The following ROBO1 variants were observed in gnomAD, a reference collection of about 807,000 sequenced individuals.
ROBO1 encodes the protein roundabout homolog 1.
In ROBO1, 149 loss-of-function variants were observed where a neutral mutation model predicts 195.9. That is an observed-to-expected ratio of 0.76 (90% CI 0.67 to 0.87). The LOEUF (loss-of-function observed/expected upper bound fraction) is 0.87. Ranked by LOEUF, ROBO1 falls within the 40% of genes least tolerant of loss-of-function variation. ROBO1 has a pLI of 0.00. For missense variants in ROBO1, 1,933 were observed against 2,068.3 expected (o/e 0.93, Z 1.27); for synonymous variants, 816 against 733.2 (o/e 1.11, Z -1.82).
chr3:79,103,139 T>C (rs1331303581), intron 3 of ROBO1, among the ~76,000 whole-genome samples: 1 of 151,832 alleles, frequency 6.6e-6, no homozygotes, highest in East Asian at 1.9e-4. Context: ...TAATTAAATC[T>C]AATTATATTA....
At chr3:79,589,467 C>G (rs1943928092) in intron 2 of ROBO1, among the ~76,000 whole-genome samples, 1 of 151,628 alleles carries the variant, frequency 6.6e-6, no homozygotes, top group South Asian at 2.1e-4. Flanking sequence ...TTCTATGGTA[C>G]CGACATGCAC....
At chr3:79,580,805 A>C (rs1029356306) in intron 2 of ROBO1, among the ~76,000 whole-genome samples, 38 of 152,162 alleles carry the variant, frequency 2.5e-4, no homozygotes, top group Non-Finnish European at 5.0e-4. Flanking sequence ...GAAGAAGGCC[A>C]GTTACAATAC....
At chr3:79,286,528 A>C (rs1157523093) in intron 2 of ROBO1, among the ~76,000 whole-genome samples, 2 of 152,166 alleles carry the variant, frequency 1.3e-5, no homozygotes, top group Non-Finnish European at 2.9e-5. Flanking sequence ...GATGACTGGA[A>C]GCTTATTTCT....
intron 2 of ROBO1, among the ~76,000 whole-genome samples, chr3:79,160,234 ATGTG>A (rs142663481): frequency 1.8e-3 from 262 of 148,374 alleles, no homozygotes; most frequent in African/African-American, 5.0e-3. Flanking sequence ...CTTTAAAAAA[ATGTG>A]TGTGTGTGTG....
At chr3:79,527,756 A>T (rs1941491451) in intron 2 of ROBO1, 1 of 38,554 alleles carries the variant, frequency 2.6e-5, no homozygotes, top group African/African-American at 2.4e-4. Flanking sequence ...ACCATGTGAC[A>T]TGGACCGCTG....
At chr3:79,266,114 G>A (rs930723861) in intron 2 of ROBO1, among the ~76,000 whole-genome samples, 1 of 151,590 alleles carries the variant, frequency 6.6e-6, no homozygotes, top group South Asian at 2.1e-4. Flanking sequence ...ATATGCACAT[G>A]TATATAAATA....
At chr3:79,092,923 A>G (rs1156331604) in intron 3 of ROBO1, among the ~76,000 whole-genome samples, 1 of 152,208 alleles carries the variant, frequency 6.6e-6, no homozygotes, top group African/African-American at 2.4e-5. Context: ...GTAAAACAAA[A>G]TTTAACAATT....
chr3:79,192,299 CTATGTG>C (rs2081554707), intron 2 of ROBO1, among the ~76,000 whole-genome samples: 1 of 151,620 alleles, frequency 6.6e-6, no homozygotes, highest in Admixed American at 6.6e-5. Flanking sequence ...TGAGTCCATA[CTATGTG>C]TCAGAAACTA....
chr3:79,026,385 C>G (rs1576586080), intron 3 of ROBO1, among the ~76,000 whole-genome samples: 1 of 152,078 alleles, frequency 6.6e-6, no homozygotes, highest in Admixed American at 6.5e-5. Flanking sequence ...CTGAAGAAAG[C>G]TATCAGTGTG....
intron 3 of ROBO1, among the ~76,000 whole-genome samples, chr3:79,006,867 T>C (rs1576552254): frequency 6.6e-6 from 1 of 151,972 alleles, no homozygotes; most frequent in East Asian, 1.9e-4. Flanking sequence ...ACCAGTTATC[T>C]AGCTTCTTAA....
intron 2 of ROBO1, among the ~76,000 whole-genome samples, chr3:79,442,459 T>C (rs1373913330): frequency 6.6e-6 from 1 of 152,162 alleles, no homozygotes; most frequent in Admixed American, 6.5e-5. Flanking sequence ...ATCTTATTTC[T>C]CTTTATGCAT....
At chr3:78,688,577 G>A (rs2081100886) in intron 9 of ROBO1, 71 bp downstream of exon 9, 1 of 1,444,050 alleles carries the variant, frequency 6.9e-7, no homozygotes, top group African/African-American at 1.4e-5. Flanking sequence ...TAATATGTTG[G>A]TTTTTCTTCT....
chr3:79,704,155 G>A (rs928236875), intron 1 of ROBO1, among the ~76,000 whole-genome samples: 10 of 151,820 alleles, frequency 6.6e-5, no homozygotes, highest in African/African-American at 2.2e-4. Flanking sequence ...ATAGCCTCCC[G>A]GATGATCAAC....
At chr3:79,732,453 A>G (rs758434696) in intron 1 of ROBO1, among the ~76,000 whole-genome samples, 3 of 152,132 alleles carry the variant, frequency 2.0e-5, no homozygotes, top group Non-Finnish European at 2.9e-5. Flanking sequence ...TCAAACAGGA[A>G]AGGATTTTGA....
intron 2 of ROBO1, among the ~76,000 whole-genome samples, chr3:79,424,143 T>G (rs1313746859): frequency 6.6e-6 from 1 of 152,124 alleles, no homozygotes; most frequent in East Asian, 1.9e-4. Flanking sequence ...GAATTACAAT[T>G]ATTTACTTAT....
At chr3:79,692,802 T>A (rs1947333457) in intron 1 of ROBO1, among the ~76,000 whole-genome samples, 1 of 151,852 alleles carries the variant, frequency 6.6e-6, no homozygotes, top group African/African-American at 2.4e-5. Flanking sequence ...TCGAAAATAT[T>A]TGGGACAAGA....
At chr3:79,529,884 A>G (rs779546347) in intron 2 of ROBO1, among the ~76,000 whole-genome samples, 46 of 152,344 alleles carry the variant, frequency 3.0e-4, no homozygotes, top group Admixed American at 5.2e-4. Context: ...TAAATGTATT[A>G]AAATATTTTG....
At chr3:79,454,244 G>A (rs2039543235) in intron 2 of ROBO1, among the ~76,000 whole-genome samples, 1 of 150,616 alleles carries the variant, frequency 6.6e-6, no homozygotes, top group African/African-American at 2.4e-5. Context: ...GAAAAAAATA[G>A]GTATTGCAGC....
intron 2 of ROBO1, among the ~76,000 whole-genome samples, chr3:79,272,723 C>T (rs80245840): frequency 3.8e-4 from 58 of 152,184 alleles, no homozygotes; most frequent in African/African-American, 1.3e-3. Context: ...AGCATTTAGA[C>T]CAGTCCTAGC....
Sources: gnomAD v4.1 joint callset for allele counts (sites outside exome capture counted in the v4.1 genomes callset) on GRCh38, gnomAD v4.1.1 for gene constraint, MANE v1.5 for transcripts, NCBI Gene and HGNC (gene_info 2026-07-23, HGNC 2026-07-21) for gene names.